The following TTC19 variants were observed in gnomAD, a reference collection of about 807,000 sequenced individuals.
TTC19 encodes tetratricopeptide repeat domain 19.
In TTC19, 38 loss-of-function variants were observed where a neutral mutation model predicts 49.5. The observed-to-expected ratio is 0.77, with a 90% confidence interval of 0.59 to 1.01. The LOEUF is 1.01. Ranked by LOEUF, TTC19 falls within the 50% of genes least tolerant of loss-of-function variation. The probability of loss-of-function intolerance (pLI) is 0.00; values close to 1 mark genes in which losing one functional copy is unlikely to be tolerated. For missense variants in TTC19, 475 were observed against 477.7 expected (o/e 0.99, Z 0.05); for synonymous variants, 204 against 185.2 (o/e 1.10, Z -0.83).
At position 16,029,140 on chromosome 17, in the gene TTC19, C is replaced by T. The variant is rs1971736954; in HGVS notation, c.*1618C>T. The T allele has an allele frequency of 2.2e-6, 1 of 452,614 alleles. No homozygotes were observed. The highest frequency in any genetic ancestry group is 2.0e-5 in the African/African-American group (1 of 49,832). The allele number at this position is 452,614 out of a possible 1,614,324, so 28.0% of individuals were successfully genotyped here. A position where few individuals can be genotyped will look rare whatever the true frequency, so the allele number is the denominator to read the frequency against. ...GAATGTTTTTACCTTTTCACAACTG[C>T]AGGGGTTACTGAAAGGTTTTTCATT... On this transcript the variant is annotated 3_prime_UTR_variant, in exon 10 of 10. Coordinates refer to ENST00000261647, the MANE Select transcript of TTC19 (RefSeq NM_017775.4).
intron 8 of TTC19, among the ~76,000 whole-genome samples, chr17:16,025,546 C>T (rs1232546753): frequency 6.6e-6 from 1 of 152,166 alleles, no homozygotes; most frequent in Admixed American, 6.5e-5. Context: ...ATCCTTGCCT[C>T]CCTTGCCCCA....
At chr17:16,000,632 T>C (rs1597447466) in intron 2 of TTC19, among the ~76,000 whole-genome samples, 2 of 152,180 alleles carry the variant, frequency 1.3e-5, no homozygotes, top group African/African-American at 4.8e-5. Context: ...TCGGTTCTCC[T>C]CCTGAATTCT....
chr17:16,002,994 T>C (rs1252383650), intron 4 of TTC19, among the ~76,000 whole-genome samples, 163 bp downstream of exon 4: 3 of 152,206 alleles, frequency 2.0e-5, no homozygotes, highest in South Asian at 2.1e-4. Flanking sequence ...AGTCCAGAGA[T>C]AGGCTAAAGA....
chr17:16,007,553 C>G (rs1970948837), intron 7 of TTC19, among the ~76,000 whole-genome samples: 2 of 152,192 alleles, frequency 1.3e-5, no homozygotes, highest in Admixed American at 6.5e-5. Context: ...AGTATCACCA[C>G]TCTCACACTT....
Position 16,026,450 on chromosome 17 carries a change from T to C in TTC19, c.832-90T>C. On this transcript the variant is annotated intron_variant, in intron 8 of 9. Transcript: ENST00000261647. ...TTGTGGAATGCTAGGAAAGATGAAA[T>C]CTTATGTATTCAGAGTTGGATGCAC... 8 of 1,189,222 alleles carry C rather than the reference T, an allele frequency of 6.7e-6. No homozygotes were observed. The South Asian group carries it at 1.1e-4, about 17-fold the overall frequency. The allele number at this position is 1,189,222 out of a possible 1,614,324, so 73.7% of individuals were successfully genotyped here.
At chr17:16,039,382 C>T in intron 2 of TTC19, 1 of 1,555,218 alleles carries the variant, frequency 6.4e-7, no homozygotes, top group Non-Finnish European at 8.8e-7. Flanking sequence ...GGGAAATAAA[C>T]TGGCTTTTTT....
chr17:16,007,039 C>A (rs1233552673), intron 7 of TTC19, among the ~76,000 whole-genome samples: 1 of 152,124 alleles, frequency 6.6e-6, no homozygotes, highest in African/African-American at 2.4e-5. Flanking sequence ...TAGCTCTCCA[C>A]CATTTTGGGT....
chr17:16,001,819 C>A, intron 2 of TTC19, 96 bp from the exon 3 acceptor site: 1 of 803,474 alleles, frequency 1.2e-6, no homozygotes, highest in Non-Finnish European at 2.1e-6. Flanking sequence ...TAGCTTCCTT[C>A]TATCAGTTGG....
rs1254136804 is a variant in TTC19 at position 16,027,482 on chromosome 17, CA to C, written c.1106del (p.Lys369ArgfsTer6). ...QHIREELAEL[S>X]KKSRPLTNSV... ...ATCAGGGAAGAGTTGGCTGAGCTGT[CA>C]AAGAAAAGTAGACCTTTGACAAATT... On this transcript the variant is annotated frameshift_variant, in exon 10 of 10. Transcript: ENST00000261647. LOFTEE classifies it high-confidence loss of function. 6.2e-7 allele frequency: 1 copy of C among 1,613,906 alleles called. No homozygotes were observed. Among genetic ancestry groups the C allele is most frequent in the Non-Finnish European group, 8.5e-7 (1 of 1,179,936 alleles).
chr17:16,039,406 A>C, intron 2 of TTC19: 1 of 1,602,192 alleles, frequency 6.2e-7, no homozygotes, highest in Non-Finnish European at 8.5e-7. Context: ...GAAAAGCAGC[A>C]GAAAAGCACT....
At chr17:16,030,069 G>C, downstream of TTC19, 1 of 175,990 alleles carries the variant, frequency 5.7e-6, no homozygotes. Context: ...CTGCTGACCA[G>C]AAGTCTTACG....
At chr17:16,008,506 T>C (rs1272101650) in intron 7 of TTC19, among the ~76,000 whole-genome samples, 1 of 152,194 alleles carries the variant, frequency 6.6e-6, no homozygotes, top group East Asian at 1.9e-4. Context: ...CCCATTACCC[T>C]ACTGCTTTGG....
chr17:16,011,732 G>A (rs1971075571), intron 7 of TTC19, among the ~76,000 whole-genome samples: 1 of 152,190 alleles, frequency 6.6e-6, no homozygotes, highest in South Asian at 2.1e-4. Context: ...GGCTATTTAT[G>A]TACTTTGTGA....
In TTC19 at chr17:16,029,122, T is replaced by A. The variant is rs1332433919; in HGVS notation, c.*1600T>A. The stretch of plus-strand genomic sequence containing the variant: ...ACTCACCTTTTGCATTGAGAATGTT[T>A]TTACCTTTTCACAACTGCAGGGGTT... On this transcript the variant is annotated 3_prime_UTR_variant, in exon 10 of 10. Transcript: ENST00000261647. The A allele has an allele frequency of 8.8e-6, 4 of 452,112 alleles. No homozygotes were observed. In the Admixed American group the frequency reaches 9.5e-5, roughly 11 times the overall value. The allele number at this position is 452,112 out of a possible 1,614,324, so 28.0% of individuals were successfully genotyped here. A position where few individuals can be genotyped will look rare whatever the true frequency, so the allele number is the denominator to read the frequency against.
At chr17:16,011,953 CTT>C (rs1385394358) in intron 7 of TTC19, among the ~76,000 whole-genome samples, 1 of 151,646 alleles carries the variant, frequency 6.6e-6, no homozygotes. Flanking sequence ...CTTTTATAAT[CTT>C]TGTTAGCTTG....
chr17:16,042,361 T>C (rs1280243337), intron 2 of TTC19, among the ~76,000 whole-genome samples: 2 of 152,212 alleles, frequency 1.3e-5, no homozygotes, highest in African/African-American at 4.8e-5. Context: ...GATTACCTTA[T>C]TGATCAAAAA....
chr17:16,031,778 A>G (rs115708449), downstream of TTC19: 1,896 of 230,854 alleles, frequency 8.2e-3, 36 homozygotes, highest in African/African-American at 0.038. Flanking sequence ...ATATCAGATA[A>G]AAGTACAATG....
At chr17:16,017,491 G>A (rs1298159253) in intron 7 of TTC19, among the ~76,000 whole-genome samples, 1 of 150,888 alleles carries the variant, frequency 6.6e-6, no homozygotes, top group Non-Finnish European at 1.5e-5. Context: ...TGGGTGCAGT[G>A]GCTCACGCCT....
chr17:16,027,017 T>A, intron 9 of TTC19: 3 of 517,800 alleles, frequency 5.8e-6, no homozygotes, highest in South Asian at 2.1e-5. Flanking sequence ...TTTCTCACAG[T>A]GTGCTGGTGA....
Sources: allele counts gnomAD v4.1 joint callset (sites outside exome capture counted in the v4.1 genomes callset), GRCh38; gene constraint gnomAD v4.1.1; transcripts MANE v1.5; gene names NCBI Gene and HGNC (gene_info 2026-07-23, HGNC 2026-07-21).